TLN2: variants seen among roughly 807,000 people sequenced by gnomAD.
The protein encoded by TLN2 is talin-2.
In TLN2, 118 loss-of-function variants were observed where a neutral mutation model predicts 294.7. The observed-to-expected ratio is 0.40, with a 90% CI of 0.34 to 0.47. The LOEUF (loss-of-function observed/expected upper bound fraction) is 0.47. Among genes scored for constraint, TLN2 ranks in the 20% least tolerant of loss-of-function variants. TLN2 has a pLI of 0.84. For synonymous variants in TLN2, 1,431 were observed against 1,304.5 expected (o/e 1.10, Z -2.09); for missense variants, 3,083 against 3,282.2 (o/e 0.94, Z 1.48).
At chr15:62,546,515 C>T (rs1336856287) in intron 1 of TLN2, among the ~76,000 whole-genome samples, 1 of 152,172 alleles carries the variant, frequency 6.6e-6, no homozygotes, top group Non-Finnish European at 1.5e-5. Context: ...AACCAGAAAG[C>T]TGGGAAGTGT....
chr15:62,625,782 T>A (rs1427981580), intron 3 of TLN2, among the ~76,000 whole-genome samples: 1 of 152,192 alleles, frequency 6.6e-6, no homozygotes, highest in Non-Finnish European at 1.5e-5. Context: ...GTTGCCAGCC[T>A]GGCTTTCAGA....
In TLN2 at chr15:62,843,553, C is replaced by T. The variant is rs1387762618; in HGVS notation, c.*2943C>T. The T allele has an allele frequency of 3.9e-5, 6 of 152,248 alleles. No individual in the cohort carries two copies. The highest frequency in any genetic ancestry group is 2.9e-5 in the Non-Finnish European group (2 of 68,058). 9.4% of individuals were successfully genotyped at this position (152,248 alleles called of 1,614,324 possible). A position where few individuals can be genotyped will look rare whatever the true frequency, so the allele number is the denominator to read the frequency against. ...CCCAGCCTGCAGTCTATGCACGGGC[C>T]TTAAGAAATGAGCTGCCTGTAGCCT... On this transcript the variant is annotated 3_prime_UTR_variant, in exon 59 of 59. Transcript: ENST00000636159.
chr15:62,693,087 C>G lies in TLN2; in HGVS notation c.1215+146C>G, dbSNP rs1036926706. ...GCTCACGCCTGTAATCCCAACACTT[C>G]GGGAGGCTGAGATAGGCAGATCACC... On this transcript the variant is annotated intron_variant, in intron 13 of 58. Coordinates refer to ENST00000636159, the MANE Select transcript of TLN2 (RefSeq NM_015059.3). 3 of 619,550 alleles carry G rather than the reference C, an allele frequency of 4.8e-6. No individual in the cohort carries two copies. The African/African-American group carries it at 5.6e-5, about 12-fold the overall frequency. The allele number at this position is 619,550 out of a possible 1,614,324, so 38.4% of individuals were successfully genotyped here. A position where few individuals can be genotyped will look rare whatever the true frequency, so the allele number is the denominator to read the frequency against.
chr15:62,573,952 C>T (rs764773508), intron 1 of TLN2, among the ~76,000 whole-genome samples: 1 of 152,094 alleles, frequency 6.6e-6, no homozygotes, highest in Non-Finnish European at 1.5e-5. Flanking sequence ...TGACTCCCTG[C>T]ACATGCCTTC....
At chr15:62,535,933 C>T (rs373920504) in intron 1 of TLN2, among the ~76,000 whole-genome samples, 17 of 152,290 alleles carry the variant, frequency 1.1e-4, no homozygotes, top group Admixed American at 2.0e-4. Context: ...TTGACAAATG[C>T]GCAAAGTCTT....
intron 2 of TLN2, among the ~76,000 whole-genome samples, chr15:62,600,102 G>A (rs979686571): frequency 6.6e-6 from 1 of 152,302 alleles, no homozygotes; most frequent in African/African-American, 2.4e-5. Context: ...CTGAGTTGAT[G>A]TGAGTTTTTG....
chr15:62,425,555 C>G (rs545986364), intron 1 of TLN2, among the ~76,000 whole-genome samples: 123 of 152,298 alleles, frequency 8.1e-4, no homozygotes, highest in African/African-American at 2.9e-3. Flanking sequence ...TACCAGAGAC[C>G]TTTACCAAGA....
In TLN2 at chr15:62,783,821, A is replaced by G; in HGVS notation, c.5667A>G (p.Gln1889=). ...AGGAGTTGGGAGGACTGGCTTCACAAATGACCAGTGACTATGGGCACCTGG... is the reference window on the plus strand; with the variant it reads ...AGGAGTTGGGAGGACTGGCTTCACAGATGACCAGTGACTATGGGCACCTGG... ...NPEELGGLAS[Q]MTSDYGHLAF... Residue 1889 remains glutamine (Q), a synonymous_variant, in exon 45 of 59, where the codon CAA becomes CAG. Transcript: ENST00000636159. 1.2e-6 allele frequency: 2 copies of G among 1,613,414 alleles called. No homozygotes were observed. The highest frequency in any genetic ancestry group is 1.7e-6 in the Non-Finnish European group (2 of 1,179,480).
In TLN2 at chr15:62,794,256, C is replaced by T. The variant is rs60594786; in HGVS notation, c.5883+1469C>T. 2.6e-3 allele frequency among the ~76,000 whole-genome samples: 390 copies of T among 152,262 alleles called. 3 individuals are homozygous for T. The highest frequency in any genetic ancestry group is 8.9e-3 in the African/African-American group (369 of 41,562). On this transcript the variant is annotated intron_variant, in intron 46 of 58. Transcript: ENST00000636159. The stretch of plus-strand genomic sequence containing the variant: ...GACCACCAAAGGAGAGGAGGTGGCT[C>T]GTTCCTAGCAACTGGCCTTTTGACT...
chr15:62,647,262 T>C lies in TLN2; in HGVS notation c.-36-13T>C, dbSNP rs2051992397. 1.3e-6 allele frequency: 2 copies of C among 1,583,146 alleles called. No individual in the cohort carries two copies. The highest frequency in any genetic ancestry group is 3.6e-5 in the Admixed American group (2 of 56,166). ...ATCGTGAACATCAGGGTTTGTCTCTTTGTGTTTTCCAGACATTCTAAGTGA... is the reference window on the plus strand; with the variant it reads ...ATCGTGAACATCAGGGTTTGTCTCTCTGTGTTTTCCAGACATTCTAAGTGA... On this transcript the variant is annotated splice_polypyrimidine_tract_variant and intron_variant, in intron 3 of 58. Transcript: ENST00000636159.
rs1488736378 is a variant in TLN2, at chr15:62,397,858, T to C, written c.-238+7173T>C. 4.6e-5 allele frequency among the ~76,000 whole-genome samples: 7 copies of C among 152,318 alleles called. No individual in the cohort carries two copies. The East Asian group carries it at 1.4e-3, about 29-fold the overall frequency. Reference sequence around the variant, plus strand: ...CACCCAGAGAGGGCTGGGCTGGTGTTTGAACCCAGGTTTCTTTCCATCCAA... The same window carrying C: ...CACCCAGAGAGGGCTGGGCTGGTGTCTGAACCCAGGTTTCTTTCCATCCAA... On this transcript the variant is annotated intron_variant, in intron 1 of 58. Transcript: ENST00000636159.
chr15:62,554,623 A>C (rs2042507640), intron 1 of TLN2, among the ~76,000 whole-genome samples: 2 of 152,086 alleles, frequency 1.3e-5, no homozygotes, highest in Admixed American at 6.6e-5. Flanking sequence ...AAAAATAAAA[A>C]ATACACTTTT....
At position 62,702,032 on chromosome 15, in the gene TLN2, G is replaced by T; in HGVS notation, c.1737G>T (p.Ala579=). 1.2e-6 allele frequency: 2 copies of T among 1,614,210 alleles called. No individual in the cohort carries two copies. Among genetic ancestry groups the T allele is most frequent in the African/African-American group, 1.3e-5 (1 of 75,058 alleles). Residue 579 remains alanine, a synonymous_variant, in exon 18 of 59, where the codon GCG becomes GCT. Coordinates refer to ENST00000636159, the MANE Select transcript of TLN2 (RefSeq NM_015059.3). Reference sequence around the variant, plus strand: ...CTGACTACACAGCTGTGGGATGTGCGATCACCACTATTTCTTCCAACCTGA... The same window carrying T: ...CTGACTACACAGCTGTGGGATGTGCTATCACCACTATTTCTTCCAACCTGA... ...ADTDYTAVGC[A]ITTISSNLTE...
chr15:62,616,275 A>G (rs1405557536), intron 2 of TLN2, among the ~76,000 whole-genome samples: 3 of 152,186 alleles, frequency 2.0e-5, no homozygotes, highest in Non-Finnish European at 4.4e-5. Context: ...GCCCATATGA[A>G]CACTGTATAT....
chr15:62,768,670 C>T (rs1233466221), intron 41 of TLN2, among the ~76,000 whole-genome samples: 1 of 152,178 alleles, frequency 6.6e-6, no homozygotes, highest in Non-Finnish European at 1.5e-5. Flanking sequence ...CATGTGCTAA[C>T]CCAAGGAAGG....
chr15:62,618,196 G>A (rs1163464137), intron 2 of TLN2, among the ~76,000 whole-genome samples, 155 bp from the exon 3 acceptor site: 1 of 152,142 alleles, frequency 6.6e-6, no homozygotes, highest in Non-Finnish European at 1.5e-5. Context: ...AGTGTTACAT[G>A]TAATTTGGAA....
rs990784637 is a variant in TLN2 at position 62,672,799 on chromosome 15, G to T, written c.789-1028G>T. On this transcript the variant is annotated intron_variant, in intron 9 of 58. Coordinates refer to ENST00000636159, the MANE Select transcript of TLN2 (RefSeq NM_015059.3). ...CGGGGTTGGGGGGTGGTGTCGGGGGGTTGCCACCAGGTTGTGCTTGTTCCT... is the reference window on the plus strand; with the variant it reads ...CGGGGTTGGGGGGTGGTGTCGGGGGTTTGCCACCAGGTTGTGCTTGTTCCT... Among the ~76,000 whole-genome samples the T allele has an allele frequency of 2.6e-5, 4 of 152,038 alleles. No homozygotes were observed. The East Asian group carries it at 7.7e-4, about 29-fold the overall frequency.
At chr15:62,578,460 G>A (rs928506615) in intron 1 of TLN2, among the ~76,000 whole-genome samples, 3 of 152,076 alleles carry the variant, frequency 2.0e-5, no homozygotes, top group African/African-American at 4.8e-5. Flanking sequence ...CCAGCTTCTC[G>A]GGAGGCTGAG....
intron 2 of TLN2, among the ~76,000 whole-genome samples, chr15:62,605,750 G>C (rs547280451): frequency 2.6e-5 from 4 of 152,318 alleles, no homozygotes; most frequent in African/African-American, 9.6e-5. Context: ...TGTCATTGGT[G>C]TATCTAAGTC....
Sources: allele counts gnomAD v4.1 joint callset (sites outside exome capture counted in the v4.1 genomes callset), GRCh38; gene constraint gnomAD v4.1.1; transcripts MANE v1.5; gene names NCBI Gene and HGNC (gene_info 2026-07-23, HGNC 2026-07-21).